The following DTL variants were observed in gnomAD, a reference collection of about 807,000 sequenced individuals.
The protein encoded by DTL is denticleless E3 ubiquitin protein ligase adapter, also known as denticleless protein homolog.
DTL carries 46 observed loss-of-function variants against 87.0 expected under a neutral mutation model. The ratio of observed to expected loss-of-function variants is 0.53; its 90% CI spans 0.42 to 0.68. The LOEUF (loss-of-function observed/expected upper bound fraction) is 0.68, where lower values mean the gene tolerates loss of function less well. DTL is among the 30% of genes least tolerant of loss of function. The probability of loss-of-function intolerance (pLI) is 0.00; values close to 1 mark genes in which losing one functional copy is unlikely to be tolerated. For missense variants in DTL, 737 were observed against 869.4 expected, an observed-to-expected ratio of 0.85 and a Z score of 1.91; for synonymous variants, 308 against 311.2, an observed-to-expected ratio of 0.99 and a Z score of 0.11.
intron 3 of DTL, among the ~76,000 whole-genome samples, chr1:212,045,036 T>C (rs1275356511): frequency 1.3e-5 from 2 of 152,182 alleles, no homozygotes; most frequent in African/African-American, 2.4e-5. Flanking sequence ...AAGGGTGTAC[T>C]ACCAAGCTCT....
intron 11 of DTL, chr1:212,077,791 G>C (rs1654875281): frequency 6.2e-6 from 1 of 162,116 alleles, no homozygotes; most frequent in Middle Eastern, 2.6e-3. Flanking sequence ...GGACTGAGTT[G>C]TCGAGTTGAC....
At chr1:212,069,307 T>G (rs1425637850) in intron 10 of DTL, among the ~76,000 whole-genome samples, 1 of 152,102 alleles carries the variant, frequency 6.6e-6, no homozygotes, top group Admixed American at 6.5e-5. Flanking sequence ...ATCACCAGCC[T>G]CAGGCATGCT....
At chr1:212,054,171 A>G (rs1213271460) in intron 5 of DTL, among the ~76,000 whole-genome samples, 2 of 152,032 alleles carry the variant, frequency 1.3e-5, no homozygotes, top group African/African-American at 2.4e-5. Context: ...TCTTGCCCAT[A>G]TGGTACAGGG....
At chr1:212,067,629 T>G (rs905466768) in intron 8 of DTL, among the ~76,000 whole-genome samples, 1 of 152,210 alleles carries the variant, frequency 6.6e-6, no homozygotes, top group African/African-American at 2.4e-5. Flanking sequence ...AAGGATTATC[T>G]AAAGGTTATT....
intron 13 of DTL, among the ~76,000 whole-genome samples, chr1:212,092,440 G>A (rs1452478037): frequency 6.6e-6 from 1 of 152,070 alleles, no homozygotes; most frequent in African/African-American, 2.4e-5. Context: ...TGAGTCAGGA[G>A]AATTGCTTGA....
Position 212,073,611 on chromosome 1 carries a change from T to C in DTL, c.1035+1398T>C, listed in dbSNP as rs548999997. Among the ~76,000 whole-genome samples the C allele has an allele frequency of 1.0e-3, 156 of 152,094 alleles. 1 individual carries two copies. The highest frequency in any genetic ancestry group is 2.0e-3 in the Non-Finnish European group (136 of 68,012). ...AAAAGTGATTTCTATATAACTGGAG[T>C]TGTGAAAATGCAACACTACTTTATT... On this transcript the variant is annotated intron_variant, in intron 11 of 14. Coordinates refer to ENST00000366991, the MANE Select transcript of DTL (RefSeq NM_016448.4).
At chr1:212,036,081 C>A in intron 1 of DTL, 139 bp downstream of exon 1, 14 of 752,386 alleles carry the variant, frequency 1.9e-5, no homozygotes, top group Non-Finnish European at 3.1e-5. Flanking sequence ...TTAGTGTTAG[C>A]AGGGACTACT....
At chr1:212,083,106 AAAAG>A (rs1440869037) in intron 13 of DTL, among the ~76,000 whole-genome samples, 2 of 152,244 alleles carry the variant, frequency 1.3e-5, no homozygotes, top group Non-Finnish European at 2.9e-5. Context: ...GGCAATTTAC[AAAAG>A]AAAGAGGTTT....
chr1:212,068,442 A>G (rs1324081146), intron 9 of DTL, 115 bp downstream of exon 9: 3 of 855,978 alleles, frequency 3.5e-6, no homozygotes, highest in Admixed American at 5.8e-5. Context: ...AGTTCAAAAG[A>G]TAAAAACTCA....
At chr1:212,068,134 T>G (rs963227200) in intron 8 of DTL, 90 bp from the exon 9 acceptor site, 2 of 759,920 alleles carry the variant, frequency 2.6e-6, no homozygotes, top group African/African-American at 1.8e-5. Context: ...CCAGAGGAGT[T>G]AGATTAAAAG....
intron 12 of DTL, chr1:212,080,337 G>T (rs1191064453): frequency 4.1e-6 from 1 of 242,064 alleles, no homozygotes; most frequent in Admixed American, 5.1e-5. Flanking sequence ...ATGATAAAGA[G>T]CCAGAACTTT....
At chr1:212,063,143 A>G (rs1571956347) in intron 6 of DTL, among the ~76,000 whole-genome samples, 194 bp downstream of exon 6, 1 of 152,112 alleles carries the variant, frequency 6.6e-6, no homozygotes, top group African/African-American at 2.4e-5. Context: ...TCACTGTTAC[A>G]AGTATTACAC....
chr1:212,078,259 A>G lies in DTL; in HGVS notation c.1122A>G (p.Thr374=). The G allele has an allele frequency of 6.3e-7, 1 of 1,582,190 alleles. No homozygotes were observed. Among genetic ancestry groups the G allele is most frequent in the Non-Finnish European group, 8.7e-7 (1 of 1,151,668 alleles). The change falls in exon 12 of 15, where the codon ACA becomes ACG. Residue 374 remains threonine, a synonymous_variant. Transcript: ENST00000366991. ...TGTGCTGGTGTCCATCTGACTTCAC[A>G]AAGGTTTGTAAATGAATCTCTATAG... The part of the protein sequence containing the change: ...TSVCWCPSDF[T]KIATCSDDNT...
intron 12 of DTL, 111 bp from the exon 13 acceptor site, chr1:212,080,504 T>C: frequency 1.0e-6 from 1 of 971,514 alleles, no homozygotes; most frequent in Non-Finnish European, 1.5e-6. Flanking sequence ...ATATCCTGTT[T>C]ATTAGACAAA....
In DTL at chr1:212,043,016, CA is replaced by C; in HGVS notation, c.78del (p.Gln26HisfsTer4). On this transcript the variant is annotated frameshift_variant, in exon 2 of 15. Coordinates refer to ENST00000366991, the MANE Select transcript of DTL (RefSeq NM_016448.4). LOFTEE classifies it high-confidence loss of function. ...RNGWSSQYPLQSLLTGYQCSG... is the reference protein window; with the variant it reads ...RNGWSSQYPLXSLLTGYQCSG... ...AGGATGGTCTTCACAATACCCTCTT[CA>C]ATCCCTTCTGACTGGTTATCAGTGC... 6.2e-7 allele frequency: 1 copy of C among 1,611,406 alleles called. No individual in the cohort carries two copies. The highest frequency in any genetic ancestry group is 1.1e-5 in the South Asian group (1 of 90,504).
chr1:212,059,833 G>A (rs1224643078), intron 5 of DTL, among the ~76,000 whole-genome samples: 1 of 137,166 alleles, frequency 7.3e-6, no homozygotes, highest in Non-Finnish European at 1.6e-5. Context: ...ATTAAAAGTT[G>A]CAGAATACAA....
Position 212,064,953 on chromosome 1 carries a change from C to T in DTL, c.563C>T (p.Ala188Val). ...FYRQVNQISG[A>V]HNTSDKQTPS... ...AGGCAAGTGAATCAAATCAGTGGAG[C>T]TCACAATACCTCAGACAAGCAAACC... Residue 188 changes from alanine (A) to valine (V), a missense_variant, in exon 7 of 15, where the codon GCT (alanine) becomes GTT (valine). Coordinates refer to ENST00000366991, the MANE Select transcript of DTL (RefSeq NM_016448.4). 1 of 1,614,040 alleles carries T rather than the reference C, an allele frequency of 6.2e-7. No individual in the cohort carries two copies. The highest frequency in any genetic ancestry group is 8.5e-7 in the Non-Finnish European group (1 of 1,179,964).
At chr1:212,062,298 C>T (rs1329809032) in intron 5 of DTL, among the ~76,000 whole-genome samples, 4 of 152,148 alleles carry the variant, frequency 2.6e-5, no homozygotes, top group Non-Finnish European at 5.9e-5. Context: ...AAGAATAAAA[C>T]ATTACAGATA....
At chr1:212,095,281 T>C (rs2102583414) in intron 13 of DTL, among the ~76,000 whole-genome samples, 1 of 152,344 alleles carries the variant, frequency 6.6e-6, no homozygotes, top group South Asian at 2.1e-4. Flanking sequence ...ATGCTGATTT[T>C]GCTGAGTGTT....
Sources: gnomAD v4.1 joint callset for allele counts (sites outside exome capture counted in the v4.1 genomes callset) on GRCh38, gnomAD v4.1.1 for gene constraint, MANE v1.5 for transcripts, NCBI Gene and HGNC (gene_info 2026-07-23, HGNC 2026-07-21) for gene names.